GPC5: variants seen among roughly 807,000 people sequenced by gnomAD.
GPC5 encodes the protein glypican-5.
A neutral mutation model predicts 53.9 loss-of-function variants in GPC5; 47 were observed. The ratio of observed to expected loss-of-function variants is 0.87; its 90% CI spans 0.69 to 1.11. The LOEUF (loss-of-function observed/expected upper bound fraction) is 1.11. Among genes scored for constraint, GPC5 ranks in the 50% most tolerant of loss-of-function variants. GPC5 has a pLI of 0.00. For synonymous variants in GPC5, 286 were observed against 263.3 expected, an observed-to-expected ratio of 1.09 and a Z score of -0.84; for missense variants, 748 against 713.1, an observed-to-expected ratio of 1.05 and a Z score of -0.56.
chr13:92,530,770 C>T (rs1033563154), intron 7 of GPC5, among the ~76,000 whole-genome samples: 1 of 152,164 alleles, frequency 6.6e-6, no homozygotes, highest in African/African-American at 2.4e-5. Flanking sequence ...TTCTTAAGAA[C>T]TCATACTTGT....
At chr13:92,338,462 A>T (rs2043340384) in intron 7 of GPC5, among the ~76,000 whole-genome samples, 1 of 152,142 alleles carries the variant, frequency 6.6e-6, no homozygotes, top group Non-Finnish European at 1.5e-5. Flanking sequence ...GGATATTTAC[A>T]GCAGCTTTAT....
intron 2 of GPC5, among the ~76,000 whole-genome samples, chr13:91,454,642 T>C (rs1292031778): frequency 6.6e-6 from 1 of 152,106 alleles, no homozygotes; most frequent in African/African-American, 2.4e-5. Flanking sequence ...ATGAACTGCA[T>C]GAATAAATGA....
Position 91,925,374 on chromosome 13 carries a change from T to C in GPC5, c.1401+17317T>C, listed in dbSNP as rs535311939. Among the ~76,000 whole-genome samples, 730 of 152,314 alleles carry C rather than the reference T, an allele frequency of 4.8e-3. 5 individuals are homozygous for C. Among genetic ancestry groups the C allele is most frequent in the Middle Eastern group, 0.01 (3 of 294 alleles). ...TGTTTAAAATCACTCTAATGACAAG[T>C]AATACGCTTTCAATCTTGCATTATA... On this transcript the variant is annotated intron_variant, in intron 6 of 7. Coordinates refer to ENST00000377067, the MANE Select transcript of GPC5 (RefSeq NM_004466.6).
At chr13:92,305,480 G>A (rs1053062146) in intron 7 of GPC5, among the ~76,000 whole-genome samples, 1 of 151,560 alleles carries the variant, frequency 6.6e-6, no homozygotes, top group African/African-American at 2.4e-5. Flanking sequence ...GGATCAACTG[G>A]TTTTTTAAAA....
chr13:92,385,477 TACATATATAC>T (rs1874607162), intron 7 of GPC5, among the ~76,000 whole-genome samples: 1 of 136,346 alleles, frequency 7.3e-6, no homozygotes, highest in African/African-American at 2.7e-5. Context: ...TATACATATA[TACATATATAC>T]ACATATATAC....
intron 7 of GPC5, among the ~76,000 whole-genome samples, chr13:92,375,671 A>G (rs962787274): frequency 1.3e-5 from 2 of 152,166 alleles, no homozygotes; most frequent in Non-Finnish European, 2.9e-5. Context: ...TCTGAAATCT[A>G]CAGGGCAGGC....
chr13:91,650,466 A>G (rs2034672214), intron 2 of GPC5, among the ~76,000 whole-genome samples: 1 of 149,524 alleles, frequency 6.7e-6, no homozygotes, highest in Non-Finnish European at 1.5e-5. Context: ...GTATACCAAG[A>G]TCATCTTTGT....
intron 2 of GPC5, among the ~76,000 whole-genome samples, chr13:91,478,419 A>G (rs1883060141): frequency 6.6e-6 from 1 of 152,038 alleles, no homozygotes; most frequent in Admixed American, 6.5e-5. Context: ...AAAAATGTAA[A>G]GAGAAATAAA....
At chr13:92,630,992 C>T (rs1336016017) in intron 7 of GPC5, among the ~76,000 whole-genome samples, 4 of 151,972 alleles carry the variant, frequency 2.6e-5, no homozygotes, top group Non-Finnish European at 5.9e-5. Context: ...AGTAAAATTA[C>T]CATTTCTTCT....
rs145562203 is a variant in GPC5, at chr13:91,858,456, A to T, written c.1281-49481A>T. Among the ~76,000 whole-genome samples, 77 of 152,088 alleles carry T rather than the reference A, an allele frequency of 5.1e-4. 1 individual carries two copies. The highest frequency in any genetic ancestry group is 1.8e-3 in the African/African-American group (75 of 41,552). On this transcript the variant is annotated intron_variant, in intron 5 of 7. Transcript: ENST00000377067. ...TTTTGTCCTTCATTCTATTGATATG[A>T]TGCATCGCATTAATTGATTTGCATA...
At chr13:92,170,778 G>A (rs1297033360) in intron 7 of GPC5, among the ~76,000 whole-genome samples, 2 of 151,868 alleles carry the variant, frequency 1.3e-5, no homozygotes, top group South Asian at 2.1e-4. Context: ...CCAAAACTTC[G>A]CATGTTCACA....
chr13:92,218,509 A>G (rs951983314), intron 7 of GPC5, among the ~76,000 whole-genome samples: 6 of 152,198 alleles, frequency 3.9e-5, no homozygotes, highest in Non-Finnish European at 5.9e-5. Flanking sequence ...CTGAAGACTC[A>G]GAAATGTGCT....
chr13:91,920,752 G>A (rs1277884613), intron 6 of GPC5, among the ~76,000 whole-genome samples: 5 of 151,976 alleles, frequency 3.3e-5, no homozygotes, highest in Non-Finnish European at 7.4e-5. Context: ...AATACTAGAA[G>A]ACAATGCATA....
intron 2 of GPC5, among the ~76,000 whole-genome samples, chr13:91,454,201 C>A (rs1488128844): frequency 6.6e-6 from 1 of 152,020 alleles, no homozygotes; most frequent in Non-Finnish European, 1.5e-5. Context: ...AGAAACCAAG[C>A]AATTTTCCTG....
intron 7 of GPC5, among the ~76,000 whole-genome samples, chr13:92,519,605 A>C (rs899330162): frequency 2.0e-5 from 3 of 152,218 alleles, no homozygotes; most frequent in Non-Finnish European, 2.9e-5. Flanking sequence ...AACATACCAG[A>C]ATCTCTGGGG....
chr13:92,359,169 C>A (rs1445453986), intron 7 of GPC5, among the ~76,000 whole-genome samples: 2 of 151,642 alleles, frequency 1.3e-5, no homozygotes, highest in African/African-American at 2.4e-5. Context: ...TTGGAAATTT[C>A]TTTTGCTAGA....
chr13:92,651,563 A>G (rs533880172), intron 7 of GPC5, among the ~76,000 whole-genome samples: 1 of 152,278 alleles, frequency 6.6e-6, no homozygotes, highest in Admixed American at 6.5e-5. Context: ...AGACATGACA[A>G]CCAAATGGAA....
At chr13:92,351,848 C>T (rs900195239) in intron 7 of GPC5, among the ~76,000 whole-genome samples, 1 of 152,056 alleles carries the variant, frequency 6.6e-6, no homozygotes, top group Non-Finnish European at 1.5e-5. Context: ...CCAATTAAGA[C>T]GTATCACGTT....
intron 7 of GPC5, among the ~76,000 whole-genome samples, chr13:92,691,299 G>A (rs1341449619): frequency 1.3e-4 from 17 of 131,094 alleles, no homozygotes; most frequent in South Asian, 5.6e-4. Context: ...TCTGAAAAGC[G>A]CAATATTCGG....
Sources: gnomAD v4.1 joint callset for allele counts (sites outside exome capture counted in the v4.1 genomes callset) on GRCh38, gnomAD v4.1.1 for gene constraint, MANE v1.5 for transcripts, NCBI Gene and HGNC (gene_info 2026-07-23, HGNC 2026-07-21) for gene names.